SPC24: variants seen among roughly 807,000 people sequenced by gnomAD.
The protein encoded by SPC24 is kinetochore protein Spc24.
In SPC24, 31 loss-of-function variants were observed where a neutral mutation model predicts 27.6. The observed-to-expected ratio is 1.12, with a 90% CI of 0.84 to 1.52. The LOEUF (loss-of-function observed/expected upper bound fraction) is 1.52, where lower values mean the gene tolerates loss of function less well. Ranked by LOEUF, SPC24 falls within the 40% of genes most tolerant of loss-of-function variation. The pLI is 0.00. For synonymous variants in SPC24, 105 were observed against 105.8 expected (o/e 0.99, Z 0.05); for missense variants, 284 against 252.5 (o/e 1.12, Z -0.84).
At chr19:11,155,090 G>A (rs2056485802) in intron 1 of SPC24, among the ~76,000 whole-genome samples, 1 of 152,166 alleles carries the variant, frequency 6.6e-6, no homozygotes, top group Non-Finnish European at 1.5e-5. Flanking sequence ...GGAGGCTGAG[G>A]CAGGAGAATA....
At chr19:11,148,210 G>T in intron 2 of SPC24, 93 bp from the exon 3 acceptor site, 1 of 778,748 alleles carries the variant, frequency 1.3e-6, no homozygotes, top group South Asian at 1.6e-5. Context: ...CTCTATTTAC[G>T]CACACTCTCT....
chr19:11,147,102 T>G lies in SPC24; in HGVS notation c.*81A>C. 3.1e-6 allele frequency: 2 copies of G among 638,336 alleles called. No homozygotes were observed. The highest frequency in any genetic ancestry group is 5.1e-6 in the Non-Finnish European group (2 of 392,434). 39.5% of individuals were successfully genotyped at this position (638,336 alleles called of 1,614,324 possible). A position where few individuals can be genotyped will look rare whatever the true frequency, so the allele number is the denominator to read the frequency against. On this transcript the variant is annotated 3_prime_UTR_variant, in exon 5 of 5. Transcript: ENST00000592540. Reference sequence around the variant, plus strand: ...TCTCAAAAAAAAAAAAAAAAAGATCTATGTCCCCACATTTCATTTGAAATG... The same window carrying G: ...TCTCAAAAAAAAAAAAAAAAAGATCGATGTCCCCACATTTCATTTGAAATG...
chr19:11,149,883 T>G (rs553987611), intron 1 of SPC24, among the ~76,000 whole-genome samples: 6 of 151,332 alleles, frequency 4.0e-5, no homozygotes, highest in African/African-American at 1.5e-4. Flanking sequence ...GCTAATTTTT[T>G]GTATTTTTAG....
Position 11,149,312 on chromosome 19 carries a change from T to C in SPC24, c.161-74A>G, listed in dbSNP as rs1422615001. On this transcript the variant is annotated intron_variant, in intron 1 of 4. Transcript: ENST00000592540. ...GAGAGCAGAGAGAAGGTGGTTCCAC[T>C]TGCCTCCACTGGCAAGAAACATGCC... The C allele has an allele frequency of 3.7e-6, 5 of 1,350,648 alleles. No individual in the cohort carries two copies. In the Admixed American group the frequency reaches 1.0e-4, roughly 27 times the overall value. The allele number at this position is 1,350,648 out of a possible 1,614,324, so 83.7% of individuals were successfully genotyped here.
At chr19:11,147,623 G>A (rs770932047) in intron 4 of SPC24, 195 bp downstream of exon 4, 17 of 602,266 alleles carry the variant, frequency 2.8e-5, no homozygotes, top group Non-Finnish European at 4.1e-5. Flanking sequence ...TATTATAGAC[G>A]TGGGGTCTCA....
intron 4 of SPC24, 41 bp from the exon 5 acceptor site, chr19:11,147,330 C>G: frequency 7.4e-7 from 1 of 1,357,592 alleles, no homozygotes; most frequent in Middle Eastern, 1.9e-4. Context: ...CACACAGCCC[C>G]TCACACAACC....
chr19:11,147,718 G>A (rs1047417230), intron 4 of SPC24, 100 bp downstream of exon 4: 92 of 1,091,904 alleles, frequency 8.4e-5, no homozygotes, highest in African/African-American at 1.4e-4. Flanking sequence ...ACAGATGCAC[G>A]CCACCACACC....
At chr19:11,147,778 A>C in intron 4 of SPC24, 40 bp downstream of exon 4, 1 of 1,535,460 alleles carries the variant, frequency 6.5e-7, no homozygotes, top group Non-Finnish European at 9.0e-7. Flanking sequence ...GTCCCTACCT[A>C]CAGTGCACAA....
At chr19:11,150,185 C>CAAA (rs770061574) in intron 1 of SPC24, among the ~76,000 whole-genome samples, 3,616 of 32,150 alleles carry the variant, frequency 0.11, 222 homozygotes, top group Non-Finnish European at 0.14. Context: ...AACTCCATCT[C>CAAA]AAAAAAAAAA....
chr19:11,153,292 CA>C (rs34823295), intron 1 of SPC24, among the ~76,000 whole-genome samples: 22,620 of 143,910 alleles, frequency 0.16, 2,770 homozygotes, highest in African/African-American at 0.35. Flanking sequence ...AAAAAAAATA[CA>C]AAAAAAAAAT....
chr19:11,146,520 C>G lies in SPC24; in HGVS notation c.*663G>C, dbSNP rs1326518555. ...GTGACTCACACCTGTAATCCCAGCA[C>G]TTTGGGAGGCCAAGGCGGGCAGATC... On this transcript the variant is annotated 3_prime_UTR_variant, in exon 5 of 5. Transcript: ENST00000592540. 7.3e-6 allele frequency: 1 copy of G among 136,540 alleles called. No individual in the cohort carries two copies. Among genetic ancestry groups the G allele is most frequent in the Admixed American group, 8.1e-5 (1 of 12,302 alleles). 8.5% of individuals were successfully genotyped at this position (136,540 alleles called of 1,614,324 possible). A position where few individuals can be genotyped will look rare whatever the true frequency, so the allele number is the denominator to read the frequency against.
intron 4 of SPC24, chr19:11,147,573 C>A (rs1022393293): frequency 3.5e-6 from 2 of 567,742 alleles, no homozygotes; most frequent in African/African-American, 1.9e-5. Flanking sequence ...GGATTACAGG[C>A]GTGAGGTACC....
intron 1 of SPC24, among the ~76,000 whole-genome samples, chr19:11,151,766 C>G (rs997348023): frequency 6.6e-6 from 1 of 151,028 alleles, no homozygotes; most frequent in East Asian, 1.9e-4. Context: ...CCCACCACCA[C>G]GCCTGGCTAA....
chr19:11,148,189 C>A, intron 2 of SPC24, 72 bp from the exon 3 acceptor site: 3 of 1,032,302 alleles, frequency 2.9e-6, no homozygotes, highest in Non-Finnish European at 4.4e-6. Flanking sequence ...CTGGGAGGCC[C>A]AGGGTCTTGG....
intron 1 of SPC24, among the ~76,000 whole-genome samples, chr19:11,154,186 T>A (rs924053623): frequency 1.3e-5 from 2 of 152,090 alleles, no homozygotes; most frequent in Non-Finnish European, 2.9e-5. Flanking sequence ...GATGGATGAA[T>A]GAATAAACAC....
At chr19:11,149,781 G>A (rs2077856400) in intron 1 of SPC24, among the ~76,000 whole-genome samples, 1 of 151,092 alleles carries the variant, frequency 6.6e-6, no homozygotes, top group Non-Finnish European at 1.5e-5. Context: ...CGCAGTCTTG[G>A]CTCACTGCAA....
intron 1 of SPC24, among the ~76,000 whole-genome samples, chr19:11,152,964 C>T (rs1347240510): frequency 6.6e-6 from 1 of 151,868 alleles, no homozygotes; most frequent in East Asian, 1.9e-4. Flanking sequence ...CGTTCCTGAG[C>T]CACCCCGTGG....
At chr19:11,150,464 C>T (rs976283945) in intron 1 of SPC24, among the ~76,000 whole-genome samples, 37 of 149,858 alleles carry the variant, frequency 2.5e-4, no homozygotes, top group African/African-American at 7.4e-4. Context: ...CCAGTCTGGG[C>T]GATAGAGCAA....
chr19:11,151,759 A>G (rs1394840946), intron 1 of SPC24, among the ~76,000 whole-genome samples: 1 of 151,388 alleles, frequency 6.6e-6, no homozygotes, highest in Non-Finnish European at 1.5e-5. Flanking sequence ...ACAGGCACCC[A>G]CCACCACGCC....
Sources: allele counts gnomAD v4.1 joint callset (sites outside exome capture counted in the v4.1 genomes callset), GRCh38; gene constraint gnomAD v4.1.1; transcripts MANE v1.5; gene names NCBI Gene and HGNC (gene_info 2026-07-23, HGNC 2026-07-21).